ZNF664: variants seen among roughly 807,000 people sequenced by gnomAD.
ZNF664 encodes zinc finger protein 664.
In ZNF664, 10 loss-of-function variants were observed where a neutral mutation model predicts 18.2. That is an observed-to-expected ratio of 0.55 (90% CI 0.34 to 0.93). The LOEUF (loss-of-function observed/expected upper bound fraction) is 0.93, where lower values mean the gene tolerates loss of function less well. Among genes scored for constraint, ZNF664 ranks in the 40% least tolerant of loss-of-function variants. The pLI, the probability that ZNF664 is intolerant of heterozygous loss-of-function variation, is 0.02. For missense variants in ZNF664, 193 were observed against 319.0 expected (o/e 0.61, Z 3.01); for synonymous variants, 119 against 104.2 (o/e 1.14, Z -0.86).
intron 3 of ZNF664, among the ~76,000 whole-genome samples, chr12:123,990,466 A>C (rs1956876591): frequency 6.6e-6 from 1 of 152,130 alleles, no homozygotes; most frequent in South Asian, 2.1e-4. Context: ...TTAGTTGGCT[A>C]GGCTGGGGCC....
rs952321480 is a variant in ZNF664 at position 123,973,871 on chromosome 12, C to T, written c.-891-15C>T. 5.7e-6 allele frequency: 7 copies of T among 1,231,840 alleles called. No individual in the cohort carries two copies. Among genetic ancestry groups the T allele is most frequent in the African/African-American group, 1.6e-5 (1 of 64,430 alleles). The allele number at this position is 1,231,840 out of a possible 1,614,324, so 76.3% of individuals were successfully genotyped here. ...GCGGAGGAGCCGGCTGCATGGGGTGCTGTGTGTTTTTCAGGGCGCCCTGCG... is the reference window on the plus strand; with the variant it reads ...GCGGAGGAGCCGGCTGCATGGGGTGTTGTGTGTTTTTCAGGGCGCCCTGCG... On this transcript the variant is annotated splice_polypyrimidine_tract_variant and intron_variant, in intron 1 of 4. Transcript: ENST00000337815.
At chr12:123,997,717 T>A (rs916015692) in intron 3 of ZNF664, 2 of 152,202 alleles carry the variant, frequency 1.3e-5, no homozygotes, top group African/African-American at 4.8e-5. Context: ...CATCCTGAGG[T>A]TCTGGATGGA....
intron 3 of ZNF664, among the ~76,000 whole-genome samples, chr12:123,990,983 G>A (rs1018684739): frequency 3.3e-5 from 5 of 152,200 alleles, no homozygotes; most frequent in Non-Finnish European, 7.3e-5. Context: ...TGGAACTTCT[G>A]TTTCATAGCC....
In ZNF664 at chr12:123,973,931, TGAG is replaced by T. The variant is rs770142588; in HGVS notation, c.-843_-841del. 2.1e-5 allele frequency: 26 copies of T among 1,231,944 alleles called. 1 individual carries two copies. In the South Asian group the frequency reaches 3.7e-4, roughly 18 times the overall value. 76.3% of individuals were successfully genotyped at this position (1,231,944 alleles called of 1,614,324 possible). ...GGAGGCGAGCATCCCGCTCAGGTGA[TGAG>T]GAACCCCTCGCGCACCCAGCGCAGA... On this transcript the variant is annotated 5_prime_UTR_variant, in exon 2 of 5. Transcript: ENST00000337815.
At chr12:123,984,255 A>G (rs1436084394) in intron 2 of ZNF664, among the ~76,000 whole-genome samples, 1 of 152,212 alleles carries the variant, frequency 6.6e-6, no homozygotes, top group African/African-American at 2.4e-5. Context: ...TGTAGAACAC[A>G]GAGGCCGTAG....
chr12:123,981,980 A>G lies in ZNF664; in HGVS notation c.-756-6063A>G, dbSNP rs561926075. On this transcript the variant is annotated intron_variant, in intron 2 of 4. Coordinates refer to ENST00000337815, the MANE Select transcript of ZNF664 (RefSeq NM_152437.3). ...CATGACCTCGACTTCAGATAATACC[A>G]TGATTGTCTTTGGGGTTCATTGGGT... Among the ~76,000 whole-genome samples the G allele has an allele frequency of 2.6e-5, 4 of 152,336 alleles. No individual in the cohort carries two copies. The East Asian group carries it at 7.7e-4, about 29-fold the overall frequency.
Position 124,012,898 on chromosome 12 carries a change from G to T in ZNF664, c.754G>T (p.Glu252Ter). Residue 252 changes from glutamate (E) to a stop codon, truncating the protein, a stop_gained, in exon 5 of 5, where the codon GAG (glutamate) becomes TAG (stop). Coordinates refer to ENST00000337815, the MANE Select transcript of ZNF664 (RefSeq NM_152437.3). LOFTEE classifies it high-confidence loss of function. ...LCIHQRVHTK[E>*]RNHLKISVI ...CATCCACCAGAGAGTCCACACAAAG[G>T]AGAGAAACCATCTCAAAATATCAGT... is the stretch of plus-strand genomic sequence containing the variant. 2 of 1,614,086 alleles carry T rather than the reference G, an allele frequency of 1.2e-6. No individual in the cohort carries two copies. Among genetic ancestry groups the T allele is most frequent in the East Asian group, 2.2e-5 (1 of 44,890 alleles).
intron 3 of ZNF664, among the ~76,000 whole-genome samples, chr12:123,988,936 C>T (rs1000642259): frequency 1.3e-5 from 2 of 152,152 alleles, no homozygotes; most frequent in African/African-American, 2.4e-5. Flanking sequence ...CCATGCATAG[C>T]TGGGCAGGAA....
intron 2 of ZNF664, among the ~76,000 whole-genome samples, chr12:123,977,479 A>AC (rs1325290546): frequency 6.7e-6 from 1 of 150,120 alleles, no homozygotes; most frequent in Non-Finnish European, 1.5e-5. Flanking sequence ...AAAAAAAAAA[A>AC]ACCCTAAACA....
chr12:123,979,996 A>G (rs1325046408), intron 2 of ZNF664, among the ~76,000 whole-genome samples: 2 of 152,090 alleles, frequency 1.3e-5, no homozygotes, highest in African/African-American at 4.8e-5. Context: ...TTAGTTTTTT[A>G]TATAGAGAGG....
intron 2 of ZNF664, among the ~76,000 whole-genome samples, chr12:123,987,786 G>A (rs1056482056): frequency 6.6e-6 from 1 of 152,116 alleles, no homozygotes; most frequent in Non-Finnish European, 1.5e-5. Flanking sequence ...TGTGATAATG[G>A]GATACCTATA....
At position 124,012,804 on chromosome 12, in the gene ZNF664, C is replaced by T. The variant is rs1010454700; in HGVS notation, c.660C>T (p.Val220=). ...CGAGCCTGTGCATCCACCAGAGAGT[C>T]CACACAGGAGAGAAACCTTTCAAAT... ...QSSSLCIHQR[V]HTGEKPFKCD... The change falls in exon 5 of 5, where the codon GTC becomes GTT. Residue 220 remains valine (V), a synonymous_variant. Transcript: ENST00000337815. 6.2e-7 allele frequency: 1 copy of T among 1,613,838 alleles called. No homozygotes were observed. Among genetic ancestry groups the T allele is most frequent in the Non-Finnish European group, 8.5e-7 (1 of 1,179,792 alleles).
chr12:123,973,952 A>G lies in ZNF664; in HGVS notation c.-825A>G. ...GTGATGAGGAACCCCTCGCGCACCC[A>G]GCGCAGAAGGCTGCTGCCGCCGGAC... On this transcript the variant is annotated 5_prime_UTR_variant, in exon 2 of 5. Transcript: ENST00000337815. 8.1e-7 allele frequency: 1 copy of G among 1,231,940 alleles called. No individual in the cohort carries two copies. Among genetic ancestry groups the G allele is most frequent in the Non-Finnish European group, 1.0e-6 (1 of 988,086 alleles). 76.3% of individuals were successfully genotyped at this position (1,231,940 alleles called of 1,614,324 possible). A position where few individuals can be genotyped will look rare whatever the true frequency, so the allele number is the denominator to read the frequency against.
At chr12:124,009,905 T>C (rs558152095) in intron 3 of ZNF664, among the ~76,000 whole-genome samples, 10 of 150,266 alleles carry the variant, frequency 6.7e-5, no homozygotes, top group African/African-American at 2.5e-4. Context: ...TTTTTTAACT[T>C]AACAGTGTGA....
intron 3 of ZNF664, among the ~76,000 whole-genome samples, chr12:123,991,939 A>C (rs1364709480): frequency 1.3e-5 from 2 of 152,250 alleles, no homozygotes; most frequent in African/African-American, 4.8e-5. Flanking sequence ...TTCTTGTTAA[A>C]GAAAAATCAG....
intron 3 of ZNF664, among the ~76,000 whole-genome samples, chr12:123,998,158 C>G (rs112629908): frequency 5.6e-4 from 86 of 152,234 alleles, no homozygotes; most frequent in African/African-American, 2.0e-3. Flanking sequence ...CTAATACCCC[C>G]GGGAGCCTTT....
intron 2 of ZNF664, among the ~76,000 whole-genome samples, chr12:123,985,219 GT>G (rs1248036436): frequency 6.6e-6 from 1 of 152,200 alleles, no homozygotes; most frequent in Non-Finnish European, 1.5e-5. Context: ...AATTAGAGCT[GT>G]AATCAACAAT....
intron 3 of ZNF664, chr12:124,005,998 C>A (rs1957069364): frequency 6.6e-6 from 1 of 152,408 alleles, no homozygotes; most frequent in Non-Finnish European, 1.5e-5. Context: ...AGGCACTTGG[C>A]CTCCTGCTTA....
intron 1 of ZNF664, 144 bp downstream of exon 1, chr12:123,973,496 C>A (rs920696739): frequency 3.9e-5 from 18 of 465,492 alleles, no homozygotes; most frequent in Non-Finnish European, 5.1e-5. Context: ...GGATGGGCCT[C>A]GGGATGGCGG....
Sources: gnomAD v4.1 joint callset for allele counts (sites outside exome capture counted in the v4.1 genomes callset) on GRCh38, gnomAD v4.1.1 for gene constraint, MANE v1.5 for transcripts, NCBI Gene and HGNC (gene_info 2026-07-23, HGNC 2026-07-21) for gene names.